The following NMNAT2 variants were observed in gnomAD, a reference collection of about 807,000 sequenced individuals.
NMNAT2 encodes the protein nicotinamide nucleotide adenylyltransferase 2.
NMNAT2 carries 11 observed loss-of-function variants against 41.6 expected under a neutral mutation model. The observed-to-expected ratio is 0.26, with a 90% CI of 0.17 to 0.44. The LOEUF (loss-of-function observed/expected upper bound fraction) is 0.44, where lower values mean the gene tolerates loss of function less well. Among genes scored for constraint, NMNAT2 ranks in the 20% least tolerant of loss-of-function variants. The probability of loss-of-function intolerance (pLI) is 1.00; values close to 1 mark genes in which losing one functional copy is unlikely to be tolerated. For synonymous variants in NMNAT2, 148 were observed against 151.2 expected (o/e 0.98, Z 0.16); for missense variants, 288 against 407.7 (o/e 0.71, Z 2.53).
At chr1:183,405,189 C>T (rs940932541) in intron 1 of NMNAT2, among the ~76,000 whole-genome samples, 4 of 151,980 alleles carry the variant, frequency 2.6e-5, no homozygotes, top group Non-Finnish European at 4.4e-5. Flanking sequence ...CACTGAACTC[C>T]AGCTTGGGTG....
chr1:183,345,260 C>T (rs1397181748), intron 1 of NMNAT2, among the ~76,000 whole-genome samples: 1 of 152,044 alleles, frequency 6.6e-6, no homozygotes, highest in Non-Finnish European at 1.5e-5. Context: ...GAATATTTGA[C>T]CCCTCCAAAA....
chr1:183,278,153 T>G (rs1368388480), intron 8 of NMNAT2, among the ~76,000 whole-genome samples: 1 of 152,192 alleles, frequency 6.6e-6, no homozygotes, highest in Admixed American at 6.5e-5. Context: ...AATTTTCTCT[T>G]TTTGAGGGGA....
At chr1:183,400,936 C>T (rs1310384856) in intron 1 of NMNAT2, among the ~76,000 whole-genome samples, 2 of 152,114 alleles carry the variant, frequency 1.3e-5, no homozygotes, top group South Asian at 2.1e-4. Flanking sequence ...AAGACTTAAA[C>T]GTTAGACCTA....
rs771819619 is a variant in NMNAT2 at position 183,252,647 on chromosome 1, G to A, written c.918C>T (p.Ser306=). The A allele has an allele frequency of 6.2e-6, 10 of 1,612,042 alleles. No individual in the cohort carries two copies. The South Asian group carries it at 7.7e-5, about 12-fold the overall frequency. ...ILKSQLYINA[S]G ...GCCGGAGGACGAGGGGCTGCTAGCC[G>A]GAGGCATTGATGTACAGCTGGCTTT... is the stretch of plus-strand genomic sequence containing the variant. Residue 306 remains serine, a synonymous_variant, in exon 11 of 11, where the codon TCC becomes TCT. Transcript: ENST00000287713.
chr1:183,325,454 G>A (rs536735710), intron 1 of NMNAT2, among the ~76,000 whole-genome samples: 28 of 152,190 alleles, frequency 1.8e-4, no homozygotes, highest in Non-Finnish European at 2.8e-4. Context: ...GAGAAGTGTC[G>A]TATTCTTTAA....
At chr1:183,407,053 G>T (rs149533623) in intron 1 of NMNAT2, among the ~76,000 whole-genome samples, 4 of 152,218 alleles carry the variant, frequency 2.6e-5, no homozygotes, top group African/African-American at 9.6e-5. Context: ...TCCTGACCTC[G>T]TGATCTGCCC....
chr1:183,270,999 C>T (rs1660973124), intron 8 of NMNAT2, among the ~76,000 whole-genome samples: 1 of 152,102 alleles, frequency 6.6e-6, no homozygotes, highest in South Asian at 2.1e-4. Context: ...GCAGTTAGCC[C>T]ACGGCTGGTT....
At chr1:183,320,368 C>T (rs1662334008) in intron 1 of NMNAT2, among the ~76,000 whole-genome samples, 1 of 152,138 alleles carries the variant, frequency 6.6e-6, no homozygotes, top group Non-Finnish European at 1.5e-5. Context: ...TTTGGGAGGC[C>T]AAGGTGGGCA....
At chr1:183,373,032 C>A (rs1663585427) in intron 1 of NMNAT2, among the ~76,000 whole-genome samples, 1 of 152,240 alleles carries the variant, frequency 6.6e-6, no homozygotes, top group Non-Finnish European at 1.5e-5. Context: ...CCAGATGTCT[C>A]ATCCCTGCAG....
intron 1 of NMNAT2, among the ~76,000 whole-genome samples, chr1:183,375,994 A>G (rs991955451): frequency 9.2e-6 from 1 of 108,436 alleles, no homozygotes; most frequent in African/African-American, 3.2e-5. Context: ...CCTCACTCAA[A>G]GTGGTCACTC....
intron 8 of NMNAT2, among the ~76,000 whole-genome samples, chr1:183,261,911 G>C (rs570220609): frequency 2.4e-4 from 31 of 130,394 alleles, no homozygotes; most frequent in Middle Eastern, 3.6e-3. Flanking sequence ...TCAGTGCCAT[G>C]TGAGAAATGA....
At chr1:183,332,385 G>A (rs978917175) in intron 1 of NMNAT2, among the ~76,000 whole-genome samples, 7 of 152,066 alleles carry the variant, frequency 4.6e-5, no homozygotes, top group African/African-American at 1.7e-4. Flanking sequence ...CCCTGGATGC[G>A]CCTCAGAATT....
intron 1 of NMNAT2, among the ~76,000 whole-genome samples, chr1:183,296,186 A>G (rs1661691745): frequency 6.6e-6 from 1 of 152,040 alleles, no homozygotes; most frequent in South Asian, 2.1e-4. Context: ...ATGATAGTCT[A>G]TTGTCTGGAA....
At chr1:183,285,550 C>T (rs1328668277) in intron 5 of NMNAT2, among the ~76,000 whole-genome samples, 1 of 152,208 alleles carries the variant, frequency 6.6e-6, no homozygotes, top group African/African-American at 2.4e-5. Context: ...TCTGACTCTT[C>T]TTTGTGAATT....
chr1:183,253,708 A>G (rs2102271959), intron 10 of NMNAT2, among the ~76,000 whole-genome samples: 1 of 150,448 alleles, frequency 6.6e-6, no homozygotes, highest in East Asian at 1.9e-4. Context: ...CCCCACTTTC[A>G]GCCCTCCACA....
intron 1 of NMNAT2, among the ~76,000 whole-genome samples, chr1:183,389,119 C>T (rs779490323): frequency 7.9e-5 from 12 of 152,226 alleles, no homozygotes; most frequent in Non-Finnish European, 1.3e-4. Context: ...CTGTCCCCAG[C>T]CAGCTCCTCG....
At chr1:183,288,417 C>G (rs1661449004) in intron 4 of NMNAT2, among the ~76,000 whole-genome samples, 1 of 152,184 alleles carries the variant, frequency 6.6e-6, no homozygotes, top group Non-Finnish European at 1.5e-5. Flanking sequence ...AGCTCTTGCT[C>G]CAAGACAGGG....
chr1:183,322,980 G>A (rs989102030), intron 1 of NMNAT2, among the ~76,000 whole-genome samples: 1 of 152,108 alleles, frequency 6.6e-6, no homozygotes, highest in African/African-American at 2.4e-5. Flanking sequence ...CATCCAGGCT[G>A]GAGTGCAGTG....
intron 1 of NMNAT2, among the ~76,000 whole-genome samples, chr1:183,304,378 G>A (rs1003830733): frequency 6.6e-6 from 1 of 152,020 alleles, no homozygotes; most frequent in Non-Finnish European, 1.5e-5. Context: ...AGAAACAATC[G>A]ATTGCAGAAG....
Sources: gnomAD v4.1 joint callset for allele counts (sites outside exome capture counted in the v4.1 genomes callset) on GRCh38, gnomAD v4.1.1 for gene constraint, MANE v1.5 for transcripts, NCBI Gene and HGNC (gene_info 2026-07-23, HGNC 2026-07-21) for gene names.